The following CBLB variants were observed in gnomAD, a reference collection of about 807,000 sequenced individuals.
The protein encoded by CBLB is E3 ubiquitin-protein ligase CBL-B.
CBLB carries 31 observed loss-of-function variants against 104.9 expected under a neutral mutation model. The ratio of observed to expected loss-of-function variants is 0.30; its 90% CI spans 0.22 to 0.40. The LOEUF is 0.40. Among genes scored for constraint, CBLB ranks in the 10% least tolerant of loss-of-function variants. The probability of loss-of-function intolerance (pLI) is 1.00; values close to 1 mark genes in which losing one functional copy is unlikely to be tolerated. For missense variants in CBLB, 1,062 were observed against 1,214.6 expected (o/e 0.87, Z 1.87); for synonymous variants, 440 against 422.6 (o/e 1.04, Z -0.51).
chr3:105,781,875 C>A (rs1326112826), intron 3 of CBLB, among the ~76,000 whole-genome samples: 1 of 152,108 alleles, frequency 6.6e-6, no homozygotes, highest in Non-Finnish European at 1.5e-5. Context: ...ACATGCTCTT[C>A]TTAATTTTAC....
At chr3:105,831,084 C>T (rs2087440630) in intron 3 of CBLB, among the ~76,000 whole-genome samples, 1 of 152,124 alleles carries the variant, frequency 6.6e-6, no homozygotes, top group Admixed American at 6.5e-5. Context: ...CTGATATATA[C>T]TTCCCCCAAA....
chr3:105,681,199 G>A (rs555926183), intron 16 of CBLB: 69 of 500,054 alleles, frequency 1.4e-4, no homozygotes, highest in African/African-American at 1.2e-3. Context: ...AAAACTACTA[G>A]AGCACAAAGC....
chr3:105,781,918 C>T (rs1234208691), intron 3 of CBLB, among the ~76,000 whole-genome samples: 2 of 152,110 alleles, frequency 1.3e-5, no homozygotes, highest in African/African-American at 4.8e-5. Flanking sequence ...AAAAGAAAGG[C>T]AAGACATAAA....
At chr3:105,734,651 G>A (rs2074704208) in intron 8 of CBLB, among the ~76,000 whole-genome samples, 1 of 151,430 alleles carries the variant, frequency 6.6e-6, no homozygotes. Flanking sequence ...CAGGCACTGT[G>A]GTCCACACTT....
intron 10 of CBLB, among the ~76,000 whole-genome samples, chr3:105,719,566 T>A (rs1430676888): frequency 2.6e-5 from 4 of 152,176 alleles, no homozygotes; most frequent in Non-Finnish European, 5.9e-5. Flanking sequence ...TACTCACGTG[T>A]TTGTGTGATG....
chr3:105,806,363 A>G (rs1381811463), intron 3 of CBLB, among the ~76,000 whole-genome samples: 1 of 152,122 alleles, frequency 6.6e-6, no homozygotes, highest in Non-Finnish European at 1.5e-5. Flanking sequence ...CTGGACGAGG[A>G]ATACAATCCT....
intron 3 of CBLB, among the ~76,000 whole-genome samples, chr3:105,781,052 A>G (rs1159263697): frequency 6.6e-6 from 1 of 152,214 alleles, no homozygotes. Context: ...AGATGTTAAC[A>G]TTAGAGGAGG....
At chr3:105,696,758 T>C (rs1473589659) in intron 12 of CBLB, among the ~76,000 whole-genome samples, 2 of 151,968 alleles carry the variant, frequency 1.3e-5, no homozygotes, top group Non-Finnish European at 2.9e-5. Context: ...TACCAAATTA[T>C]GATTACTTAA....
At chr3:105,736,372 G>A (rs1352085886) in intron 8 of CBLB, among the ~76,000 whole-genome samples, 4 of 151,946 alleles carry the variant, frequency 2.6e-5, no homozygotes, top group Non-Finnish European at 4.4e-5. Flanking sequence ...GAAGTTGAAC[G>A]TACATAATGC....
intron 13 of CBLB, among the ~76,000 whole-genome samples, chr3:105,689,930 G>C (rs548260263): frequency 6.6e-6 from 1 of 152,180 alleles, no homozygotes; most frequent in South Asian, 2.1e-4. Flanking sequence ...TTTTACAACA[G>C]TATGTTTTTT....
At chr3:105,733,077 A>AT (rs1181579580) in intron 9 of CBLB, among the ~76,000 whole-genome samples, 2 of 152,202 alleles carry the variant, frequency 1.3e-5, no homozygotes, top group Non-Finnish European at 2.9e-5. Flanking sequence ...AAGAAATATA[A>AT]GAAAGCCCTT....
At chr3:105,825,226 G>C (rs1448784811) in intron 3 of CBLB, among the ~76,000 whole-genome samples, 3 of 152,060 alleles carry the variant, frequency 2.0e-5, no homozygotes, top group African/African-American at 7.2e-5. Flanking sequence ...ATCATGTCAT[G>C]GTTCTTCAGC....
rs370008544 is a variant in CBLB, at chr3:105,804,900, T to C, written c.420-28358A>G. Among the ~76,000 whole-genome samples the C allele has an allele frequency of 3.3e-5, 5 of 152,228 alleles. No individual in the cohort carries two copies. In the South Asian group the frequency reaches 1.0e-3, roughly 32 times the overall value. On this transcript the variant is annotated intron_variant, in intron 3 of 18. Transcript: ENST00000394030. ...TACTCCACAGTGGGAGAGTATCCCA[T>C]CTCTAATACCCTCCATACCAACCAT...
At chr3:105,675,884 C>CAAAAA (rs71111383) in intron 17 of CBLB, among the ~76,000 whole-genome samples, 3 of 81,832 alleles carry the variant, frequency 3.7e-5, no homozygotes, top group Admixed American at 1.6e-4. Flanking sequence ...GACCCTGTCT[C>CAAAAA]AAAAAAAAAA....
At position 105,838,667 on chromosome 3, in the gene CBLB, C is replaced by CT. The variant is rs58426302; in HGVS notation, c.419+14746dup. On this transcript the variant is annotated intron_variant, in intron 3 of 18. Coordinates refer to ENST00000394030, the MANE Select transcript of CBLB (RefSeq NM_170662.5). ...AAAAACCTTACAGAAATGTATCCTT[C>CT]TTTTTTTTTTTTTTTTTCTGTCGCC... Among the ~76,000 whole-genome samples the CT allele has an allele frequency of 4.7e-3, 639 of 137,332 alleles. 6 individuals carry two copies. Among genetic ancestry groups the CT allele is most frequent in the African/African-American group, 0.011 (415 of 37,110 alleles). 90.1% of individuals were successfully genotyped at this position (137,332 alleles called of 152,430 possible). A position where few individuals can be genotyped will look rare whatever the true frequency, so the allele number is the denominator to read the frequency against.
chr3:105,730,253 A>T (rs1031302963), intron 9 of CBLB, among the ~76,000 whole-genome samples: 1 of 152,086 alleles, frequency 6.6e-6, no homozygotes, highest in African/African-American at 2.4e-5. Flanking sequence ...GAAAAAAATC[A>T]CAATGTAAAA....
At chr3:105,702,009 A>T in intron 12 of CBLB, 85 bp downstream of exon 12, 1 of 1,528,934 alleles carries the variant, frequency 6.5e-7, no homozygotes. Flanking sequence ...TAGGCAAAAA[A>T]AAACACTTCC....
chr3:105,709,691 T>C (rs771541236), intron 10 of CBLB, among the ~76,000 whole-genome samples: 9 of 151,956 alleles, frequency 5.9e-5, no homozygotes, highest in Non-Finnish European at 1.2e-4. Flanking sequence ...TATTATAAAG[T>C]AGTATCATAA....
intron 16 of CBLB, among the ~76,000 whole-genome samples, chr3:105,680,606 C>G (rs1463961082): frequency 6.6e-6 from 1 of 152,112 alleles, no homozygotes; most frequent in Admixed American, 6.5e-5. Flanking sequence ...TCCTGAACTA[C>G]AGAGAGAACA....
Sources: allele counts gnomAD v4.1 joint callset (sites outside exome capture counted in the v4.1 genomes callset), GRCh38; gene constraint gnomAD v4.1.1; transcripts MANE v1.5; gene names NCBI Gene and HGNC (gene_info 2026-07-23, HGNC 2026-07-21).